The following TYW1 variants were observed in gnomAD, a reference collection of about 807,000 sequenced individuals.
TYW1 encodes the protein S-adenosyl-L-methionine-dependent tRNA 4-demethylwyosine synthase TYW1.
Under a neutral mutation model 96.2 loss-of-function variants are expected in TYW1, and 46 were observed. The ratio of observed to expected loss-of-function variants is 0.48; its 90% CI spans 0.38 to 0.61. The LOEUF is 0.61. TYW1 is among the 20% of genes least tolerant of loss of function. The pLI is 0.00. For missense variants in TYW1, 684 were observed against 909.6 expected (o/e 0.75, Z 3.19); for synonymous variants, 274 against 323.0 (o/e 0.85, Z 1.63).
chr7:67,186,863 A>G (rs1800041712), intron 14 of TYW1, among the ~76,000 whole-genome samples: 1 of 152,128 alleles, frequency 6.6e-6, no homozygotes, highest in African/African-American at 2.4e-5. Flanking sequence ...CTTGCATTCA[A>G]CAATATTTGT....
At chr7:67,109,292 A>G (rs1163850075) in intron 12 of TYW1, among the ~76,000 whole-genome samples, 13 of 148,176 alleles carry the variant, frequency 8.8e-5, no homozygotes, top group Admixed American at 2.0e-4. Context: ...AAAAAAAAAA[A>G]AAAGAAAGAA....
At chr7:67,184,354 T>C (rs959950347) in intron 14 of TYW1, among the ~76,000 whole-genome samples, 2 of 152,092 alleles carry the variant, frequency 1.3e-5, no homozygotes, top group East Asian at 1.9e-4. Flanking sequence ...CAAGAGAAGA[T>C]TGATTAAATT....
At chr7:67,023,257 C>T (rs1484829961) in intron 6 of TYW1, among the ~76,000 whole-genome samples, 6 of 151,802 alleles carry the variant, frequency 4.0e-5, no homozygotes, top group African/African-American at 9.7e-5. Context: ...CCACCACGCT[C>T]GGCTAATTTT....
At chr7:67,167,384 G>A (rs1322391161) in intron 13 of TYW1, among the ~76,000 whole-genome samples, 3 of 147,734 alleles carry the variant, frequency 2.0e-5, no homozygotes, top group South Asian at 2.1e-4. Context: ...CAGGAGAATC[G>A]CTTGAACTTG....
intron 13 of TYW1, among the ~76,000 whole-genome samples, chr7:67,127,174 T>C (rs1448062072): frequency 6.6e-6 from 1 of 151,160 alleles, no homozygotes; most frequent in African/African-American, 2.4e-5. Flanking sequence ...TTTTTTTTTT[T>C]TCGAGATCGA....
At chr7:67,013,120 C>CTT (rs535642821) in intron 4 of TYW1, among the ~76,000 whole-genome samples, 2 of 141,536 alleles carry the variant, frequency 1.4e-5, no homozygotes, top group East Asian at 2.0e-4. Flanking sequence ...CTTTTCTTTT[C>CTT]TTTTTTTTTT....
At chr7:67,212,878 A>T (rs1801083013) in intron 15 of TYW1, among the ~76,000 whole-genome samples, 1 of 151,572 alleles carries the variant, frequency 6.6e-6, no homozygotes, top group Non-Finnish European at 1.5e-5. Flanking sequence ...TTATTTATTT[A>T]TTTTTTTATG....
At chr7:67,151,937 G>T (rs1456306488) in intron 13 of TYW1, among the ~76,000 whole-genome samples, 1 of 152,032 alleles carries the variant, frequency 6.6e-6, no homozygotes, top group Non-Finnish European at 1.5e-5. Context: ...CTCCCCAGTA[G>T]CTGGGACCAC....
At chr7:67,185,264 C>T (rs1044008869) in intron 14 of TYW1, among the ~76,000 whole-genome samples, 11 of 151,704 alleles carry the variant, frequency 7.3e-5, no homozygotes, top group Admixed American at 5.3e-4. Flanking sequence ...TAGGAAAGGG[C>T]GTGAAGCTGG....
At chr7:67,175,993 A>G (rs1799660971) in intron 13 of TYW1, among the ~76,000 whole-genome samples, 1 of 152,208 alleles carries the variant, frequency 6.6e-6, no homozygotes, top group African/African-American at 2.4e-5. Flanking sequence ...ATGTGTACAT[A>G]AACAATCCTT....
rs1468627081 is a variant in TYW1, at chr7:67,108,834, G to T, written c.1563-8649G>T. On this transcript the variant is annotated intron_variant, in intron 12 of 15. Coordinates refer to ENST00000359626, the MANE Select transcript of TYW1 (RefSeq NM_018264.4). ...AACATTATAGACATTTCAAAACAGG[G>T]TCGAAATTGTATAGAGCATGATATC... is the stretch of plus-strand genomic sequence containing the variant. Among the ~76,000 whole-genome samples the T allele has an allele frequency of 3.9e-5, 6 of 152,094 alleles. No homozygotes were observed. The South Asian group carries it at 1.2e-3, about 32-fold the overall frequency.
Position 67,067,398 on chromosome 7 carries a change from T to C in TYW1, c.1269T>C (p.Cys423=), listed in dbSNP as rs1410482483. The change falls in exon 10 of 16, where the codon TGT becomes TGC. Residue 423 remains cysteine (C), a synonymous_variant. Coordinates refer to ENST00000359626, the MANE Select transcript of TYW1 (RefSeq NM_018264.4). ...SLACANKCVF[C]WRHHTNPVGT... is the part of the protein sequence containing the mutation. ...CGTGTGCTAATAAATGTGTCTTCTG[T>C]TGGCGGTAAGTAAAAATGAAAGGTC... is the stretch of plus-strand genomic sequence containing the variant. 1.9e-6 allele frequency: 3 copies of C among 1,613,980 alleles called. No homozygotes were observed. The highest frequency in any genetic ancestry group is 2.5e-6 in the Non-Finnish European group (3 of 1,179,862).
chr7:66,998,797 T>A lies in TYW1; in HGVS notation c.136-20T>A. Reference sequence around the variant, plus strand: ...AACGATTTAGACTTGATGGATTTTGTGTAATTATTTGTCTTCAAGGGCAAG... The same window carrying A: ...AACGATTTAGACTTGATGGATTTTGAGTAATTATTTGTCTTCAAGGGCAAG... On this transcript the variant is annotated intron_variant, in intron 2 of 15. Transcript: ENST00000359626. 6.2e-7 allele frequency: 1 copy of A among 1,613,062 alleles called. No individual in the cohort carries two copies. The highest frequency in any genetic ancestry group is 8.5e-7 in the Non-Finnish European group (1 of 1,179,614).
intron 3 of TYW1, among the ~76,000 whole-genome samples, chr7:67,001,410 A>C: frequency 6.9e-6 from 1 of 145,476 alleles, no homozygotes; most frequent in East Asian, 1.9e-4. Context: ...ATTTTATTTT[A>C]TTTATTTATT....
At chr7:67,177,608 A>T (rs1407428343) in intron 13 of TYW1, among the ~76,000 whole-genome samples, 1 of 152,226 alleles carries the variant, frequency 6.6e-6, no homozygotes, top group Non-Finnish European at 1.5e-5. Context: ...AAAACATATG[A>T]ACTCAGCTTG....
intron 10 of TYW1, among the ~76,000 whole-genome samples, chr7:67,073,807 G>C (rs1276865465): frequency 1.2e-4 from 18 of 147,462 alleles, no homozygotes; most frequent in Admixed American, 1.0e-3. Context: ...ATATGGCCAG[G>C]CGCGGTTGCT....
chr7:67,029,416 T>TACATATATATATATATAC (rs1794590678), intron 7 of TYW1, among the ~76,000 whole-genome samples: 9 of 97,588 alleles, frequency 9.2e-5, no homozygotes, highest in Admixed American at 1.1e-4. Flanking sequence ...TGTGTGTGTG[T>TACATATATATATATATAC]ATATATATAT....
At chr7:67,003,481 A>G (rs1429533700) in intron 3 of TYW1, among the ~76,000 whole-genome samples, 2 of 151,584 alleles carry the variant, frequency 1.3e-5, no homozygotes, top group Admixed American at 6.6e-5. Flanking sequence ...TAGCACGTAC[A>G]TTGCAATGGG....
intron 9 of TYW1, among the ~76,000 whole-genome samples, chr7:67,064,448 C>G (rs1795797286): frequency 6.6e-6 from 1 of 152,064 alleles, no homozygotes; most frequent in African/African-American, 2.4e-5. Flanking sequence ...CTGTATTAGT[C>G]CGTTTTCATG....
Sources: allele counts gnomAD v4.1 joint callset (sites outside exome capture counted in the v4.1 genomes callset), GRCh38; gene constraint gnomAD v4.1.1; transcripts MANE v1.5; gene names NCBI Gene and HGNC (gene_info 2026-07-23, HGNC 2026-07-21).